HTR2C: variants seen among roughly 807,000 people sequenced by gnomAD.
HTR2C encodes the protein 5-hydroxytryptamine receptor 2C.
Under a neutral mutation model 21.0 loss-of-function variants are expected in HTR2C, and 5 were observed. The ratio of observed to expected loss-of-function variants is 0.24; its 90% CI spans 0.12 to 0.50. The LOEUF (loss-of-function observed/expected upper bound fraction) is 0.50, where lower values mean the gene tolerates loss of function less well. Among genes scored for constraint, HTR2C ranks in the 20% least tolerant of loss-of-function variants. The pLI is 0.98. For missense variants in HTR2C, 271 were observed against 371.2 expected (o/e 0.73, Z 2.22); for synonymous variants, 150 against 145.3 (o/e 1.03, Z -0.23).
intron 5 of HTR2C, among the ~76,000 whole-genome samples, chrX:114,879,421 CTT>C (rs1418966443): frequency 6.4e-5 from 7 of 109,345 alleles, no homozygotes; most frequent in Non-Finnish European, 1.2e-4. Flanking sequence ...CTTATGAAAA[CTT>C]TTTATCTAAT....
In HTR2C at chrX:114,622,832, C is replaced by G. The variant is rs1373436732; in HGVS notation, c.-80+8951C>G. Among the ~76,000 whole-genome samples, 8 of 111,957 alleles carry G rather than the reference C, an allele frequency of 7.1e-5. No homozygotes were observed. The Admixed American group carries it at 7.6e-4, about 11-fold the overall frequency. Reference sequence around the variant, plus strand: ...GGAATGCTAGTTAATCTTCCATCTTCCAGACGTACAGGAAAGATTTGTCTT... The same window carrying G: ...GGAATGCTAGTTAATCTTCCATCTTGCAGACGTACAGGAAAGATTTGTCTT... On this transcript the variant is annotated intron_variant, in intron 2 of 5. Coordinates refer to ENST00000276198, the MANE Select transcript of HTR2C (RefSeq NM_000868.4).
At chrX:114,665,141 C>T (rs5946151) in intron 2 of HTR2C, among the ~76,000 whole-genome samples, 7,475 of 111,788 alleles carry the variant, frequency 0.067, 261 homozygotes, top group Non-Finnish European at 0.1. Context: ...GATTGGTTAA[C>T]GTCAGCTTGC....
chrX:114,590,906 T>A (rs1483042046), intron 1 of HTR2C, among the ~76,000 whole-genome samples: 1 of 111,833 alleles, frequency 8.9e-6, no homozygotes, highest in Non-Finnish European at 1.9e-5. Flanking sequence ...CATTTTGCGG[T>A]ATGGGTTGAT....
chrX:114,747,621 T>C (rs1257250781), intron 4 of HTR2C, among the ~76,000 whole-genome samples: 1 of 112,352 alleles, frequency 8.9e-6, no homozygotes, highest in African/African-American at 3.2e-5. Flanking sequence ...CTTCTGAGAT[T>C]ACGTTATAAA....
chrX:114,749,772 A>G (rs1162877984), intron 4 of HTR2C, among the ~76,000 whole-genome samples: 4 of 112,257 alleles, frequency 3.6e-5, no homozygotes, highest in South Asian at 7.3e-4. Context: ...TAGTAATCAT[A>G]TATCTTTAAG....
intron 1 of HTR2C, among the ~76,000 whole-genome samples, chrX:114,606,735 G>A (rs1162251170): frequency 9.0e-6 from 1 of 111,727 alleles, no homozygotes; most frequent in Admixed American, 9.4e-5. Flanking sequence ...CAAAGAGCAG[G>A]AGGACAGGGG....
intron 5 of HTR2C, among the ~76,000 whole-genome samples, chrX:114,879,907 C>A: frequency 9.0e-6 from 1 of 110,777 alleles, no homozygotes; most frequent in East Asian, 2.8e-4. Context: ...CAAGCAATAT[C>A]TTTTCATTAG....
chrX:114,815,122 T>A (rs1049079203), intron 4 of HTR2C, among the ~76,000 whole-genome samples: 5 of 108,768 alleles, frequency 4.6e-5, no homozygotes, highest in Admixed American at 1.0e-4. Flanking sequence ...TTCCTAGGAA[T>A]ATTGAGTAAA....
At chrX:114,706,308 C>T (rs1303369495) in intron 2 of HTR2C, among the ~76,000 whole-genome samples, 1 of 63,227 alleles carries the variant, frequency 1.6e-5, no homozygotes, top group African/African-American at 6.0e-5. Flanking sequence ...GGAACCAACC[C>T]AAATGTCCAA....
At chrX:114,788,713 T>C (rs782439750) in intron 4 of HTR2C, among the ~76,000 whole-genome samples, 1 of 111,731 alleles carries the variant, frequency 9.0e-6, no homozygotes, top group Non-Finnish European at 1.9e-5. Flanking sequence ...TATGGCATAA[T>C]CACGGCTCAC....
At chrX:114,836,843 C>T (rs1373316738) in intron 4 of HTR2C, among the ~76,000 whole-genome samples, 1 of 85,431 alleles carries the variant, frequency 1.2e-5, no homozygotes, top group African/African-American at 3.9e-5. Flanking sequence ...TTTCTAAACT[C>T]GTTAATGCTC....
chrX:114,903,094 C>G (rs1234085911), intron 5 of HTR2C, among the ~76,000 whole-genome samples: 1 of 111,529 alleles, frequency 9.0e-6, no homozygotes, highest in South Asian at 3.7e-4. Flanking sequence ...CAGACACCCC[C>G]CTAGGGTCCT....
At chrX:114,706,749 T>A (rs1054336616) in intron 2 of HTR2C, among the ~76,000 whole-genome samples, 7 of 109,750 alleles carry the variant, frequency 6.4e-5, no homozygotes, top group Non-Finnish European at 1.1e-4. Context: ...ATGAAAAAAG[T>A]ATGGTCTATA....
rs782714191 is a variant in HTR2C at position 114,600,946 on chromosome X, TAC to T, written c.-146-12867_-146-12866del. 5.5e-4 allele frequency among the ~76,000 whole-genome samples: 62 copies of T among 111,936 alleles called. 1 individual carries two copies. Among genetic ancestry groups the T allele is most frequent in the Middle Eastern group, 5.0e-3 (1 of 202 alleles). On this transcript the variant is annotated intron_variant, in intron 1 of 5. Transcript: ENST00000276198. ...GTATTGAATTGTTTTCTTTAATTTT[TAC>T]AGTGAAACTTGTCATTTCAAGTTTA...
At chrX:114,706,702 A>T (rs5988100) in intron 2 of HTR2C, among the ~76,000 whole-genome samples, 2 of 106,675 alleles carry the variant, frequency 1.9e-5, no homozygotes, top group South Asian at 8.6e-4. Flanking sequence ...CTAAAACTTA[A>T]AGTATAATAA....
At chrX:114,774,486 C>A in intron 4 of HTR2C, among the ~76,000 whole-genome samples, 1 of 111,890 alleles carries the variant, frequency 8.9e-6, no homozygotes, top group Non-Finnish European at 1.9e-5. Context: ...GTTACACCTT[C>A]AGGATTGCAT....
chrX:114,646,409 CACA>C (rs782560845), intron 2 of HTR2C, among the ~76,000 whole-genome samples: 1 of 111,983 alleles, frequency 8.9e-6, no homozygotes, highest in Admixed American at 9.5e-5. Flanking sequence ...TGTTAAAAAT[CACA>C]ACATTATTTT....
intron 2 of HTR2C, among the ~76,000 whole-genome samples, chrX:114,626,084 T>C (rs1276836928): frequency 9.0e-6 from 1 of 110,896 alleles, no homozygotes; most frequent in Non-Finnish European, 1.9e-5. Context: ...TAACCAAGGA[T>C]ATGGTAAGAG....
intron 2 of HTR2C, among the ~76,000 whole-genome samples, chrX:114,690,275 G>C (rs1932067474): frequency 9.0e-6 from 1 of 111,612 alleles, no homozygotes; most frequent in Non-Finnish European, 1.9e-5. Flanking sequence ...TCCTCTCCAA[G>C]TAGGGGGCAA....
Sources: allele counts gnomAD v4.1 joint callset (sites outside exome capture counted in the v4.1 genomes callset), GRCh38; gene constraint gnomAD v4.1.1; transcripts MANE v1.5; gene names NCBI Gene and HGNC (gene_info 2026-07-23, HGNC 2026-07-21).